PAFAH1B1: variants seen among roughly 807,000 people sequenced by gnomAD.
PAFAH1B1 encodes platelet-activating factor acetylhydrolase IB subunit beta.
Under a neutral mutation model 57.5 loss-of-function variants are expected in PAFAH1B1, and 2 were observed. That is an observed-to-expected ratio of 0.03 (90% CI 0.01 to 0.11). The LOEUF (loss-of-function observed/expected upper bound fraction) is 0.11, where lower values mean the gene tolerates loss of function less well. Ranked by LOEUF, PAFAH1B1 falls within the 10% of genes least tolerant of loss-of-function variation. The pLI is 1.00. For synonymous variants in PAFAH1B1, 152 were observed against 169.6 expected (o/e 0.90, Z 0.81); for missense variants, 257 against 512.0 (o/e 0.50, Z 4.81).
intron 2 of PAFAH1B1, among the ~76,000 whole-genome samples, chr17:2,656,277 C>A (rs1037436028): frequency 6.6e-6 from 1 of 152,028 alleles, no homozygotes; most frequent in Non-Finnish European, 1.5e-5. Flanking sequence ...CATATTGAGA[C>A]CCTATCTCTA....
intron 2 of PAFAH1B1, among the ~76,000 whole-genome samples, chr17:2,655,993 G>A (rs1407895067): frequency 1.1e-4 from 16 of 152,000 alleles, no homozygotes; most frequent in African/African-American, 3.4e-4. Flanking sequence ...GCACGATCTC[G>A]GCTCACTGCA....
At chr17:2,614,032 T>TTTG (rs1555521522) in intron 1 of PAFAH1B1, 1 of 145,114 alleles carries the variant, frequency 6.9e-6, no homozygotes, top group African/African-American at 2.7e-5. Context: ...TTTTTTTTTT[T>TTTG]TTTTTTTTTT....
chr17:2,664,890 A>G (rs2069084001), intron 2 of PAFAH1B1, among the ~76,000 whole-genome samples: 1 of 152,090 alleles, frequency 6.6e-6, no homozygotes, highest in Non-Finnish European at 1.5e-5. Context: ...CACCCACTCC[A>G]ATGGTTCAAA....
intron 2 of PAFAH1B1, among the ~76,000 whole-genome samples, chr17:2,650,386 C>T (rs550237904): frequency 1.3e-5 from 2 of 152,076 alleles, no homozygotes; most frequent in East Asian, 3.9e-4. Flanking sequence ...GCGGTGTGCA[C>T]CTGTAATCCC....
At chr17:2,646,959 T>C (rs1488290587) in intron 2 of PAFAH1B1, among the ~76,000 whole-genome samples, 1 of 152,144 alleles carries the variant, frequency 6.6e-6, no homozygotes, top group African/African-American at 2.4e-5. Flanking sequence ...AGGCCAGGCA[T>C]GGTGGCTCAC....
intron 9 of PAFAH1B1, 125 bp downstream of exon 9, chr17:2,676,731 A>T: frequency 1.4e-6 from 1 of 713,998 alleles, no homozygotes; most frequent in Non-Finnish European, 2.5e-6. Context: ...CTTTATAAAG[A>T]TAGTTTTCCT....
At chr17:2,667,405 A>C in intron 5 of PAFAH1B1, 1 of 519,564 alleles carries the variant, frequency 1.9e-6, no homozygotes, top group Non-Finnish European at 3.5e-6. Context: ...ATGAAGAGGG[A>C]CAGGAGGTAC....
At position 2,679,840 on chromosome 17, in the gene PAFAH1B1, T is replaced by TAA. The variant is rs2069349963; in HGVS notation, c.1003-323_1003-322insAA. The TAA allele has an allele frequency of 1.2e-5, 4 of 337,414 alleles. No individual in the cohort carries two copies. In the Admixed American group the frequency reaches 1.4e-4, roughly 12 times the overall value. 20.9% of individuals were successfully genotyped at this position (337,414 alleles called of 1,614,324 possible). ...ATGAACCACCTAAGAACAAGGATAGTATATAAATAACCAAAATAAAATTAT... is the reference window on the plus strand; with the variant it reads ...ATGAACCACCTAAGAACAAGGATAGTAAATATAAATAACCAAAATAAAATTAT... On this transcript the variant is annotated intron_variant, in intron 9 of 10. Transcript: ENST00000397195.
At chr17:2,652,525 T>C (rs2068876345) in intron 2 of PAFAH1B1, among the ~76,000 whole-genome samples, 1 of 152,240 alleles carries the variant, frequency 6.6e-6, no homozygotes, top group South Asian at 2.1e-4. Flanking sequence ...AAACTGACTT[T>C]TGCAGTTAGT....
chr17:2,604,196 C>G (rs2068178408), intron 1 of PAFAH1B1, among the ~76,000 whole-genome samples: 1 of 151,944 alleles, frequency 6.6e-6, no homozygotes, highest in Non-Finnish European at 1.5e-5. Flanking sequence ...TGCCACCACA[C>G]CCGGCTAATT....
chr17:2,599,971 C>A lies in PAFAH1B1; in HGVS notation c.-191+5965C>A, dbSNP rs1410513850. On this transcript the variant is annotated intron_variant, in intron 1 of 10. Coordinates refer to ENST00000397195, the MANE Select transcript of PAFAH1B1 (RefSeq NM_000430.4). ...CAGTGCAGATTAATCCATTTTTAAC[C>A]TTTTTTTTTTTTTTTTTTTTTTTTT... Among the ~76,000 whole-genome samples the A allele has an allele frequency of 3.6e-5, 3 of 82,776 alleles. No homozygotes were observed. In the Admixed American group the frequency reaches 4.6e-4, roughly 13 times the overall value. The allele number at this position is 82,776 out of a possible 152,430, so 54.3% of individuals were successfully genotyped here.
At chr17:2,680,080 A>G (rs1254188268) in intron 9 of PAFAH1B1, 84 bp from the exon 10 acceptor site, 1 of 1,180,156 alleles carries the variant, frequency 8.5e-7, no homozygotes, top group African/African-American at 1.5e-5. Flanking sequence ...TGTTTTTGGT[A>G]TGTATAGTTT....
intron 10 of PAFAH1B1, chr17:2,680,954 C>G (rs1177035812): frequency 6.1e-6 from 1 of 163,508 alleles, no homozygotes; most frequent in East Asian, 1.8e-4. Flanking sequence ...TTGAGCCCTG[C>G]TGTGCCTTAG....
chr17:2,634,043 C>T (rs1241261169), intron 1 of PAFAH1B1, among the ~76,000 whole-genome samples: 2 of 149,010 alleles, frequency 1.3e-5, no homozygotes, highest in African/African-American at 5.0e-5. Flanking sequence ...GGAGATTTCA[C>T]AGGCATCTTA....
intron 1 of PAFAH1B1, among the ~76,000 whole-genome samples, chr17:2,602,695 C>CT (rs1262084733): frequency 3.3e-5 from 5 of 152,332 alleles, no homozygotes; most frequent in African/African-American, 1.2e-4. Context: ...CCATATCACA[C>CT]TTCCCTACTT....
At chr17:2,596,410 G>A (rs942662298) in intron 1 of PAFAH1B1, among the ~76,000 whole-genome samples, 2 of 152,076 alleles carry the variant, frequency 1.3e-5, no homozygotes, top group Admixed American at 1.3e-4. Context: ...GGGGAAAAAA[G>A]GATAAGATAA....
intron 1 of PAFAH1B1, among the ~76,000 whole-genome samples, chr17:2,635,206 T>C (rs1423408389): frequency 1.3e-5 from 2 of 152,064 alleles, no homozygotes; most frequent in Non-Finnish European, 2.9e-5. Context: ...AAACATGTTA[T>C]TTAAGACAAT....
intron 9 of PAFAH1B1, among the ~76,000 whole-genome samples, chr17:2,677,766 A>G (rs2069293075): frequency 6.6e-6 from 1 of 151,964 alleles, no homozygotes; most frequent in Non-Finnish European, 1.5e-5. Context: ...AGGCAGGAGA[A>G]TGGCGTGAAC....
At chr17:2,616,331 A>G (rs2068339935) in intron 1 of PAFAH1B1, among the ~76,000 whole-genome samples, 1 of 152,168 alleles carries the variant, frequency 6.6e-6, no homozygotes, top group African/African-American at 2.4e-5. Flanking sequence ...AAGCAAGGCC[A>G]ATAGGGTGTG....
Sources: allele counts gnomAD v4.1 joint callset (sites outside exome capture counted in the v4.1 genomes callset), GRCh38; gene constraint gnomAD v4.1.1; transcripts MANE v1.5; gene names NCBI Gene and HGNC (gene_info 2026-07-23, HGNC 2026-07-21).